The following RFX3 variants were observed in gnomAD, a reference collection of about 807,000 sequenced individuals.
RFX3 encodes the protein transcription factor RFX3.
Under a neutral mutation model 98.6 loss-of-function variants are expected in RFX3, and 14 were observed. The observed-to-expected ratio is 0.14, with a 90% CI of 0.09 to 0.22. The LOEUF (loss-of-function observed/expected upper bound fraction) is 0.22, where lower values mean the gene tolerates loss of function less well. Ranked by LOEUF, RFX3 falls within the 10% of genes least tolerant of loss-of-function variation. The pLI is 1.00. For missense variants in RFX3, 639 were observed against 926.9 expected (o/e 0.69, Z 4.03); for synonymous variants, 383 against 328.4 (o/e 1.17, Z -1.80).
chr9:3,440,176 T>C (rs1425647906), intron 1 of RFX3, among the ~76,000 whole-genome samples: 1 of 152,064 alleles, frequency 6.6e-6, no homozygotes, highest in Non-Finnish European at 1.5e-5. Flanking sequence ...ATTAAGTATT[T>C]CTTCTCTATG....
rs528083738 is a variant in RFX3 at position 3,486,592 on chromosome 9, G to C, written c.-9+39155C>G. On this transcript the variant is annotated intron_variant, in intron 1 of 16. Coordinates refer to ENST00000617270, the MANE Select transcript of RFX3 (RefSeq NM_001282116.2). ...AAAATAATGAAACTTTATTAGTTCAGAGTGTTTAGTTTAGTACTCTCAACT... is the reference window on the plus strand; with the variant it reads ...AAAATAATGAAACTTTATTAGTTCACAGTGTTTAGTTTAGTACTCTCAACT... Among the ~76,000 whole-genome samples the C allele has an allele frequency of 1.5e-4, 23 of 152,210 alleles. 1 individual carries two copies. The highest frequency in any genetic ancestry group is 1.5e-3 in the Admixed American group (23 of 15,286).
intron 4 of RFX3, among the ~76,000 whole-genome samples, chr9:3,320,865 C>T (rs980881310): frequency 4.1e-5 from 6 of 145,006 alleles, no homozygotes; most frequent in East Asian, 4.2e-4. Context: ...AAAGTACTAA[C>T]GTTTATTTGC....
At chr9:3,289,488 T>A (rs1005935318) in intron 6 of RFX3, among the ~76,000 whole-genome samples, 1 of 152,038 alleles carries the variant, frequency 6.6e-6, no homozygotes, top group Non-Finnish European at 1.5e-5. Context: ...AAATTCCACA[T>A]ACCCAATTTG....
chr9:3,353,350 T>G (rs900691812), intron 2 of RFX3, among the ~76,000 whole-genome samples: 3 of 151,804 alleles, frequency 2.0e-5, no homozygotes, highest in African/African-American at 7.3e-5. Flanking sequence ...AGTATAATAA[T>G]ACTAAAATAA....
At chr9:3,359,724 G>A (rs1836190009) in intron 2 of RFX3, among the ~76,000 whole-genome samples, 1 of 151,868 alleles carries the variant, frequency 6.6e-6, no homozygotes, top group Non-Finnish European at 1.5e-5. Flanking sequence ...TTCTAAATGG[G>A]GATGTGTATT....
intron 6 of RFX3, among the ~76,000 whole-genome samples, chr9:3,290,673 T>C (rs576769043): frequency 2.0e-5 from 3 of 152,328 alleles, no homozygotes; most frequent in South Asian, 4.1e-4. Flanking sequence ...AAATATACTA[T>C]CTTTTGAAGT....
chr9:3,511,197 A>C (rs1817630649), intron 1 of RFX3, among the ~76,000 whole-genome samples: 1 of 152,012 alleles, frequency 6.6e-6, no homozygotes. Flanking sequence ...TTAATCATTT[A>C]ATTAGGTTCA....
intron 2 of RFX3, among the ~76,000 whole-genome samples, chr9:3,370,106 G>A (rs949093124): frequency 2.0e-5 from 3 of 150,102 alleles, no homozygotes; most frequent in African/African-American, 4.9e-5. Flanking sequence ...CTCCCAGAGT[G>A]CTGGGATTAC....
intron 1 of RFX3, among the ~76,000 whole-genome samples, chr9:3,455,253 C>G (rs1331447075): frequency 3.3e-5 from 5 of 152,286 alleles, no homozygotes; most frequent in African/African-American, 1.2e-4. Context: ...AGAGCAGATT[C>G]TGTATGCATC....
chr9:3,262,193 T>C (rs1822999007), intron 13 of RFX3, among the ~76,000 whole-genome samples: 1 of 152,158 alleles, frequency 6.6e-6, no homozygotes, highest in South Asian at 2.1e-4. Flanking sequence ...ATGCTTTTGG[T>C]GGGCAATGCT....
intron 13 of RFX3, among the ~76,000 whole-genome samples, chr9:3,261,830 C>T (rs1240455987): frequency 6.6e-6 from 1 of 152,044 alleles, no homozygotes; most frequent in Admixed American, 6.6e-5. Flanking sequence ...TGTCTTTTTG[C>T]TTAGACCCAT....
chr9:3,423,778 CATATATATATATATATAT>C (rs61209874), intron 1 of RFX3, among the ~76,000 whole-genome samples: 9 of 111,046 alleles, frequency 8.1e-5, no homozygotes, highest in Non-Finnish European at 1.1e-4. Flanking sequence ...TATATATTTT[CATATATATATATATATAT>C]ATATATATAT....
chr9:3,297,478 TC>T (rs1222366357), intron 5 of RFX3, among the ~76,000 whole-genome samples: 1 of 152,048 alleles, frequency 6.6e-6, no homozygotes, highest in East Asian at 1.9e-4. Context: ...TTCCTGTTTT[TC>T]CCAAAGGGAA....
chr9:3,394,502 T>G (rs1200075230), intron 2 of RFX3, among the ~76,000 whole-genome samples: 5 of 152,174 alleles, frequency 3.3e-5, no homozygotes. Context: ...TTATCTCAGA[T>G]GTCTTTACTT....
intron 1 of RFX3, among the ~76,000 whole-genome samples, chr9:3,518,527 T>A (rs991651821): frequency 9.9e-5 from 15 of 152,112 alleles, no homozygotes; most frequent in Non-Finnish European, 1.5e-4. Context: ...ACATATAGTA[T>A]CAGGTAAATT....
At chr9:3,402,177 A>G (rs539316165) in intron 1 of RFX3, among the ~76,000 whole-genome samples, 4 of 152,312 alleles carry the variant, frequency 2.6e-5, no homozygotes, top group Admixed American at 6.5e-5. Context: ...AAAAATAGGT[A>G]GTATCCACCT....
At chr9:3,480,311 G>A (rs765061355) in intron 1 of RFX3, among the ~76,000 whole-genome samples, 1 of 152,134 alleles carries the variant, frequency 6.6e-6, no homozygotes, top group Non-Finnish European at 1.5e-5. Flanking sequence ...CTCTCCATGT[G>A]GCCTCTTTTC....
chr9:3,270,228 C>G, intron 11 of RFX3, 143 bp downstream of exon 11: 1 of 717,564 alleles, frequency 1.4e-6, no homozygotes, highest in East Asian at 2.9e-5. Flanking sequence ...GCTGCTTTCA[C>G]GCAATATTCT....
Position 3,247,285 on chromosome 9 carries a change from G to T in RFX3, c.1968+747C>A, listed in dbSNP as rs890997285. ...ATTCAGAGTTTAAGCTTTTTGATAAGCCATTTTGATGACTATTCAGAAATT... is the reference window on the plus strand; with the variant it reads ...ATTCAGAGTTTAAGCTTTTTGATAATCCATTTTGATGACTATTCAGAAATT... On this transcript the variant is annotated intron_variant, in intron 15 of 16. Transcript: ENST00000617270. The T allele has an allele frequency of 1.9e-5, 19 of 987,044 alleles. No individual in the cohort carries two copies. The African/African-American group carries it at 3.3e-4, about 17-fold the overall frequency. The allele number at this position is 987,044 out of a possible 1,614,324, so 61.1% of individuals were successfully genotyped here.
Sources: allele counts gnomAD v4.1 joint callset (sites outside exome capture counted in the v4.1 genomes callset), GRCh38; gene constraint gnomAD v4.1.1; transcripts MANE v1.5; gene names NCBI Gene and HGNC (gene_info 2026-07-23, HGNC 2026-07-21).